BRCA1: variants seen among roughly 807,000 people sequenced by gnomAD.
The protein encoded by BRCA1 is BRCA1 DNA repair associated.
BRCA1 carries 140 observed loss-of-function variants against 173.7 expected under a neutral mutation model. That is an observed-to-expected ratio of 0.81 (90% CI 0.70 to 0.93). The LOEUF is 0.93. BRCA1 is among the 40% of genes least tolerant of loss of function. BRCA1 has a pLI of 0.00. For synonymous variants in BRCA1, 662 were observed against 756.0 expected (o/e 0.88, Z 2.04); for missense variants, 1,983 against 2,172.5 (o/e 0.91, Z 1.73).
At chr17:43,159,229 C>A (rs535984518) in intron 1 of BRCA1, among the ~76,000 whole-genome samples, 1 of 152,150 alleles carries the variant, frequency 6.6e-6, no homozygotes, top group African/African-American at 2.4e-5. Context: ...TCCAGCCTCT[C>A]GACAGAGATC....
intron 3 of BRCA1, among the ~76,000 whole-genome samples, chr17:43,112,330 CCCA>C (rs2055073489): frequency 6.6e-6 from 1 of 152,182 alleles, no homozygotes; most frequent in South Asian, 2.1e-4. Flanking sequence ...TCGTGATCCG[CCCA>C]CCTCAGCCTC....
intron 13 of BRCA1, 106 bp downstream of exon 13, chr17:43,076,382 T>C (rs2154053751): frequency 7.3e-7 from 1 of 1,373,236 alleles, no homozygotes. Flanking sequence ...TATAAATGCC[T>C]GTATGCAAAA....
intron 1 of BRCA1, chr17:43,168,242 A>G (rs2056280792): frequency 1.2e-4 from 50 of 423,766 alleles, no homozygotes; most frequent in South Asian, 8.8e-4. Context: ...AACAGCAGAT[A>G]AATCTATCTC....
At chr17:43,149,916 G>A (rs2056150302) in intron 1 of BRCA1, among the ~76,000 whole-genome samples, 1 of 151,948 alleles carries the variant, frequency 6.6e-6, no homozygotes, top group Non-Finnish European at 1.5e-5. Flanking sequence ...AACCACCCGA[G>A]TAGCTGGGAT....
At chr17:43,110,821 C>T (rs1223419967) in intron 3 of BRCA1, among the ~76,000 whole-genome samples, 1 of 152,012 alleles carries the variant, frequency 6.6e-6, no homozygotes, top group Non-Finnish European at 1.5e-5. Context: ...AAATAAAAGG[C>T]TGGGCGTGGT....
chr17:43,142,879 G>C (rs2056084877), intron 1 of BRCA1, among the ~76,000 whole-genome samples: 1 of 151,646 alleles, frequency 6.6e-6, no homozygotes, highest in Non-Finnish European at 1.5e-5. Context: ...GAGTAGCTGG[G>C]ATTACAGGCA....
At chr17:43,075,777 T>C (rs1025739388) in intron 13 of BRCA1, among the ~76,000 whole-genome samples, 1 of 152,122 alleles carries the variant, frequency 6.6e-6, no homozygotes, top group East Asian at 1.9e-4. Context: ...AGTACTGGAC[T>C]GCTATACAGC....
At chr17:43,156,099 T>C (rs373603806) in intron 1 of BRCA1, among the ~76,000 whole-genome samples, 33 of 152,170 alleles carry the variant, frequency 2.2e-4, no homozygotes, top group African/African-American at 6.3e-4. Context: ...TAACCAGGCA[T>C]GGTGGCACGC....
At chr17:43,079,803 A>C in intron 12 of BRCA1, 1 of 818,790 alleles carries the variant, frequency 1.2e-6, no homozygotes, top group Non-Finnish European at 2.1e-6. Context: ...AAAAAAAAAA[A>C]AGACCTTTGG....
chr17:43,059,436 C>A (rs1034656387), intron 18 of BRCA1, among the ~76,000 whole-genome samples: 8 of 151,932 alleles, frequency 5.3e-5, no homozygotes, highest in Admixed American at 3.9e-4. Flanking sequence ...GCACTCCATG[C>A]ACTCTAGCCT....
chr17:43,099,676 C>A, intron 7 of BRCA1, 99 bp downstream of exon 7: 1 of 999,714 alleles, frequency 1.0e-6, no homozygotes, highest in South Asian at 1.3e-5. Flanking sequence ...CCAAAGCTGC[C>A]TACCACAAAT....
intron 19 of BRCA1, among the ~76,000 whole-genome samples, chr17:43,053,607 T>C (rs895142063): frequency 9.4e-5 from 14 of 149,644 alleles, no homozygotes; most frequent in South Asian, 4.2e-4. Context: ...GTGGAGCTGG[T>C]AGTGAGCCGA....
intron 11 of BRCA1, among the ~76,000 whole-genome samples, chr17:43,086,790 G>C (rs2053245693): frequency 6.6e-6 from 1 of 152,174 alleles, no homozygotes; most frequent in African/African-American, 2.4e-5. Context: ...AGGATCATAG[G>C]AATTGCAAAG....
chr17:43,107,929 G>T (rs1371806766), intron 3 of BRCA1, among the ~76,000 whole-genome samples: 1 of 152,052 alleles, frequency 6.6e-6, no homozygotes, highest in African/African-American at 2.4e-5. Context: ...AGCAAAATAA[G>T]ATCCTGCAAA....
chr17:43,100,671 TATATATAATATATA>T (rs1771395637), intron 6 of BRCA1, among the ~76,000 whole-genome samples: 5 of 25,974 alleles, frequency 1.9e-4, no homozygotes, highest in Admixed American at 6.8e-4. Context: ...TATATATATA[TATATATAATATATA>T]TATATATATA....
chr17:43,101,903 A>C (rs2054492161), intron 6 of BRCA1, among the ~76,000 whole-genome samples: 1 of 152,030 alleles, frequency 6.6e-6, no homozygotes, highest in African/African-American at 2.4e-5. Context: ...TTTAAGTTCA[A>C]GTAATTTTCC....
chr17:43,158,899 A>AAT (rs1406674065), intron 1 of BRCA1, among the ~76,000 whole-genome samples: 2 of 152,322 alleles, frequency 1.3e-5, no homozygotes, highest in Admixed American at 6.5e-5. Context: ...TGTAACTTTA[A>AAT]ATAGCGGTGT....
intron 18 of BRCA1, among the ~76,000 whole-genome samples, chr17:43,059,398 G>A (rs921760539): frequency 6.6e-6 from 1 of 152,086 alleles, no homozygotes; most frequent in African/African-American, 2.4e-5. Flanking sequence ...GGGAGGCGGA[G>A]GTTGGAGTGA....
At chr17:43,088,785 A>G (rs1282499851) in intron 11 of BRCA1, among the ~76,000 whole-genome samples, 1 of 152,196 alleles carries the variant, frequency 6.6e-6, no homozygotes, top group Non-Finnish European at 1.5e-5. Flanking sequence ...AGGTCAGAGA[A>G]CATAAGCAAA....
Sources: allele counts gnomAD v4.1 joint callset (sites outside exome capture counted in the v4.1 genomes callset), GRCh38; gene constraint gnomAD v4.1.1; transcripts MANE v1.5; gene names NCBI Gene and HGNC (gene_info 2026-07-23, HGNC 2026-07-21).